AGAP1: variants seen among roughly 807,000 people sequenced by gnomAD.
The protein encoded by AGAP1 is ArfGAP with GTPase domain, ankyrin repeat and PH domain 1.
In AGAP1, 29 loss-of-function variants were observed where a neutral mutation model predicts 105.3. The observed-to-expected ratio is 0.28, with a 90% CI of 0.21 to 0.38. The LOEUF (loss-of-function observed/expected upper bound fraction) is 0.38, where lower values mean the gene tolerates loss of function less well. Among genes scored for constraint, AGAP1 ranks in the 10% least tolerant of loss-of-function variants. AGAP1 has a pLI of 1.00. For synonymous variants in AGAP1, 509 were observed against 485.9 expected, an observed-to-expected ratio of 1.05 and a Z score of -0.63; for missense variants, 998 against 1,165.1, an observed-to-expected ratio of 0.86 and a Z score of 2.09.
rs2053012953 is a variant in AGAP1 at position 235,936,773 on chromosome 2, G to A, written c.1483+5850G>A. Among the ~76,000 whole-genome samples the A allele has an allele frequency of 6.6e-6, 1 of 152,140 alleles. No individual in the cohort carries two copies. The highest frequency in any genetic ancestry group is 1.9e-4 in the East Asian group (1 of 5,192). On this transcript the variant is annotated intron_variant, in intron 12 of 17. Coordinates refer to ENST00000304032, the MANE Select transcript of AGAP1 (RefSeq NM_001037131.3). This position sits in a 1 kb window ranked among gnomAD's most constrained non-coding sequence, Gnocchi z 4.7. The stretch of plus-strand genomic sequence containing the variant: ...GGAAATACATGTGTTGACAGCCTCC[G>A]CTGTTGTGACCTTCATGCCTAACAC...
Position 235,951,294 on chromosome 2 carries a change from C to T in AGAP1, c.1484-17168C>T, listed in dbSNP as rs562958906. On this transcript the variant is annotated intron_variant, in intron 12 of 17. Transcript: ENST00000304032. The surrounding 1 kb of genome is among the most constrained non-coding windows in gnomAD (Gnocchi z 4.2). ...AGATAGTTATCCCAAGTAGAATACT[C>T]GATCGATGTCCACAGCACATTCAAA... is the stretch of plus-strand genomic sequence containing the variant. Among the ~76,000 whole-genome samples the T allele has an allele frequency of 8.3e-4, 126 of 152,254 alleles. No individual in the cohort carries two copies. The highest frequency in any genetic ancestry group is 8.8e-4 in the Non-Finnish European group (60 of 68,030).
chr2:235,709,315 A>C (rs373756845), intron 2 of AGAP1, 78 bp downstream of exon 2: 1 of 1,503,708 alleles, frequency 6.7e-7, no homozygotes, highest in East Asian at 2.3e-5. Context: ...TTCCCAGGCA[A>C]CTGGTCATCG....
At chr2:235,504,963 G>A (rs1179551669) in intron 1 of AGAP1, among the ~76,000 whole-genome samples, 2 of 152,156 alleles carry the variant, frequency 1.3e-5, no homozygotes, top group African/African-American at 2.4e-5. Flanking sequence ...GGAAGAGGGC[G>A]CAGTTCCTCT....
At chr2:235,527,598 G>C (rs1942889535) in intron 1 of AGAP1, among the ~76,000 whole-genome samples, 1 of 152,076 alleles carries the variant, frequency 6.6e-6, no homozygotes, top group African/African-American at 2.4e-5. Flanking sequence ...TCTGTTGTCA[G>C]GCTGGTTTTG....
At chr2:236,086,058 C>T (rs1208041208) in intron 16 of AGAP1, among the ~76,000 whole-genome samples, 1 of 152,168 alleles carries the variant, frequency 6.6e-6, no homozygotes, top group African/African-American at 2.4e-5. Context: ...TCCTTTTTGC[C>T]CTAATCTTCC....
In AGAP1 at chr2:236,057,555, C is replaced by T. The variant is rs574624471; in HGVS notation, c.2114+8274C>T. ...CCACACAAGTGCAGGGTTAGAGCCC[C>T]CCCCTCAACCCCCGTGTTTCACGTA... is the stretch of plus-strand genomic sequence containing the variant. On this transcript the variant is annotated intron_variant, in intron 16 of 17. Coordinates refer to ENST00000304032, the MANE Select transcript of AGAP1 (RefSeq NM_001037131.3). Among the ~76,000 whole-genome samples the T allele has an allele frequency of 1.2e-4, 19 of 152,208 alleles. 1 individual carries two copies. In the East Asian group the frequency reaches 1.7e-3, roughly 14 times the overall value.
At chr2:235,630,856 G>T (rs1333223248) in intron 1 of AGAP1, among the ~76,000 whole-genome samples, 3 of 152,156 alleles carry the variant, frequency 2.0e-5, no homozygotes, top group Admixed American at 2.0e-4. Context: ...CTAATGATTT[G>T]AACTGAGGTC....
In AGAP1 at chr2:235,872,034, TG is replaced by T. The variant is rs2049471355; in HGVS notation, c.1051-11309del. On this transcript the variant is annotated intron_variant, in intron 9 of 17. Transcript: ENST00000304032. The surrounding 1 kb of genome is among the most constrained non-coding windows in gnomAD (Gnocchi z 4.5). ...CTTATCCATGAAATGAGAATCGTCGTGGATATCAGTTGTGATTGCAGTTGAT... is the reference window on the plus strand; with the variant it reads ...CTTATCCATGAAATGAGAATCGTCGTGATATCAGTTGTGATTGCAGTTGAT... 6.6e-6 allele frequency among the ~76,000 whole-genome samples: 1 copy of T among 152,210 alleles called. No homozygotes were observed. Among genetic ancestry groups the T allele is most frequent in the African/African-American group, 2.4e-5 (1 of 41,446 alleles).
At position 236,020,408 on chromosome 2, in the gene AGAP1, C is replaced by G. The variant is rs908938701; in HGVS notation, c.1646-16153C>G. Among the ~76,000 whole-genome samples the G allele has an allele frequency of 1.3e-5, 2 of 152,224 alleles. No homozygotes were observed. The highest frequency in any genetic ancestry group is 4.8e-5 in the African/African-American group (2 of 41,450). ...TTAGAAATGAAACTTAACCTGTTAT[C>G]TAGACTTTTAAACCTACCCTCCTGC... On this transcript the variant is annotated intron_variant, in intron 13 of 17. Transcript: ENST00000304032. The surrounding 1 kb of genome is among the most constrained non-coding windows in gnomAD (Gnocchi z 5.0).
intron 1 of AGAP1, among the ~76,000 whole-genome samples, chr2:235,508,960 A>C (rs538781325): frequency 6.6e-6 from 1 of 152,202 alleles, no homozygotes; most frequent in African/African-American, 2.4e-5. Flanking sequence ...TGTGTCGCCA[A>C]ACTCCACCAC....
intron 1 of AGAP1, among the ~76,000 whole-genome samples, chr2:235,688,551 C>T (rs890244515): frequency 6.6e-6 from 1 of 152,194 alleles, no homozygotes; most frequent in Non-Finnish European, 1.5e-5. Context: ...AAGCCAGATC[C>T]TGCCACATGA....
intron 9 of AGAP1, among the ~76,000 whole-genome samples, chr2:235,818,887 T>C (rs1375705801): frequency 6.6e-6 from 1 of 151,944 alleles, no homozygotes; most frequent in African/African-American, 2.4e-5. Context: ...GGCCATCTTT[T>C]CTGTGCAAGA....
rs1017764699 is a variant in AGAP1 at position 235,864,580 on chromosome 2, G to A, written c.1051-18765G>A. Among the ~76,000 whole-genome samples the A allele has an allele frequency of 2.6e-5, 4 of 152,162 alleles. No individual in the cohort carries two copies. Among genetic ancestry groups the A allele is most frequent in the Non-Finnish European group, 5.9e-5 (4 of 68,024 alleles). On this transcript the variant is annotated intron_variant, in intron 9 of 17. Coordinates refer to ENST00000304032, the MANE Select transcript of AGAP1 (RefSeq NM_001037131.3). This position sits in a 1 kb window ranked among gnomAD's most constrained non-coding sequence, Gnocchi z 5.0. The stretch of plus-strand genomic sequence containing the variant: ...GGGGCAGCCTGCAGAGGTGTCACCA[G>A]CAGCCATTAAGTGCAGATACTGTCG...
chr2:235,790,887 TA>T (rs1288063731), intron 6 of AGAP1, among the ~76,000 whole-genome samples: 1 of 152,186 alleles, frequency 6.6e-6, no homozygotes, highest in Admixed American at 6.5e-5. Context: ...TACTCTTTAG[TA>T]GACGGCACAG....
At chr2:235,823,398 G>T (rs1958906665) in intron 9 of AGAP1, among the ~76,000 whole-genome samples, 1 of 152,120 alleles carries the variant, frequency 6.6e-6, no homozygotes, top group Non-Finnish European at 1.5e-5. Context: ...TCCTCTCCGA[G>T]TAGCTGGGAC....
chr2:235,693,292 G>A (rs545214190), intron 1 of AGAP1, among the ~76,000 whole-genome samples: 114 of 152,156 alleles, frequency 7.5e-4, no homozygotes, highest in Non-Finnish European at 1.2e-3. Flanking sequence ...AGCTGGGGTA[G>A]TACTCAAAGC....
chr2:236,085,650 A>G (rs1384557404), intron 16 of AGAP1, among the ~76,000 whole-genome samples: 2 of 152,220 alleles, frequency 1.3e-5, no homozygotes, highest in East Asian at 3.9e-4. Flanking sequence ...CCGTTCATAA[A>G]AAGAAATGCA....
rs551674326 is a variant in AGAP1, at chr2:235,881,587, C to T, written c.1051-1758C>T. ...CAGAGACAGAGACTCCCGATGTGAACGCTGCCATTGAAAGGGACTGAGCTG... is the reference window on the plus strand; with the variant it reads ...CAGAGACAGAGACTCCCGATGTGAATGCTGCCATTGAAAGGGACTGAGCTG... On this transcript the variant is annotated intron_variant, in intron 9 of 17. Transcript: ENST00000304032. Among the ~76,000 whole-genome samples the T allele has an allele frequency of 3.5e-4, 54 of 152,298 alleles. No homozygotes were observed. The South Asian group carries it at 9.3e-3, about 26-fold the overall frequency.
rs1234764887 is a variant in AGAP1 at position 235,586,009 on chromosome 2, G to T, written c.163+91160G>T. On this transcript the variant is annotated intron_variant, in intron 1 of 17. Coordinates refer to ENST00000304032, the MANE Select transcript of AGAP1 (RefSeq NM_001037131.3). This position sits in a 1 kb window ranked among gnomAD's most constrained non-coding sequence, Gnocchi z 4.2. ...CAGCTGCCACTGAGAAGTGTATTTA[G>T]GCAGGTTCTGGCAACAGACTTGGTG... is the stretch of plus-strand genomic sequence containing the variant. 1.3e-5 allele frequency among the ~76,000 whole-genome samples: 2 copies of T among 152,148 alleles called. No individual in the cohort carries two copies. The highest frequency in any genetic ancestry group is 2.9e-5 in the Non-Finnish European group (2 of 68,032).
Sources: gnomAD v4.1 joint callset for allele counts (sites outside exome capture counted in the v4.1 genomes callset) on GRCh38, gnomAD v4.1.1 for gene constraint, Gnocchi (gnomAD v3.1) non-coding constraint, MANE v1.5 for transcripts, NCBI Gene and HGNC (gene_info 2026-07-23, HGNC 2026-07-21) for gene names.